TIMM23B: variants seen among roughly 807,000 people sequenced by gnomAD.
TIMM23B encodes translocase of inner mitochondrial membrane 23 homolog B.
A neutral mutation model predicts 27.3 loss-of-function variants in TIMM23B; 27 were observed. That is an observed-to-expected ratio of 0.99 (90% CI 0.73 to 1.36). The LOEUF (loss-of-function observed/expected upper bound fraction) is 1.36. Ranked by LOEUF, TIMM23B falls within the 40% of genes most tolerant of loss-of-function variation. The pLI is 0.00. For missense variants in TIMM23B, 205 were observed against 244.2 expected, an observed-to-expected ratio of 0.84 and a Z score of 1.07; for synonymous variants, 73 against 92.4, an observed-to-expected ratio of 0.79 and a Z score of 1.21.
intron 4 of TIMM23B, 99 bp from the exon 5 acceptor site, chr10:49,954,903 C>T: frequency 7.3e-7 from 1 of 1,376,328 alleles, no homozygotes; most frequent in Non-Finnish European, 1.0e-6. Context: ...AAACTTTGCG[C>T]CCTGGGTCTA....
intron 2 of TIMM23B, 40 bp from the exon 3 acceptor site, chr10:49,952,086 T>C (rs2133063568): frequency 2.1e-6 from 3 of 1,445,312 alleles, no homozygotes; most frequent in East Asian, 2.3e-5. Flanking sequence ...ATTTGTGTCT[T>C]GAGGGACACT....
At chr10:49,970,828 G>A (rs1446196879) in intron 6 of TIMM23B, among the ~76,000 whole-genome samples, 1 of 152,240 alleles carries the variant, frequency 6.6e-6, no homozygotes, top group African/African-American at 2.4e-5. Flanking sequence ...TCTGGGAGGT[G>A]TACCCAACAG....
intron 2 of TIMM23B, among the ~76,000 whole-genome samples, 194 bp from the exon 3 acceptor site, chr10:49,951,932 A>G (rs1168813482): frequency 6.6e-6 from 1 of 152,204 alleles, no homozygotes; most frequent in Non-Finnish European, 1.5e-5. Context: ...CCTTCTAAGA[A>G]CTGTGTTTCG....
intron 6 of TIMM23B, among the ~76,000 whole-genome samples, chr10:49,962,267 AT>A (rs1373152403): frequency 6.6e-6 from 1 of 151,482 alleles, no homozygotes; most frequent in Non-Finnish European, 1.5e-5. Flanking sequence ...CAGTGGCACA[AT>A]CTTGGCTCAC....
chr10:49,953,169 T>C (rs1465589112), intron 4 of TIMM23B, among the ~76,000 whole-genome samples: 2 of 152,078 alleles, frequency 1.3e-5, no homozygotes, highest in African/African-American at 4.8e-5. Flanking sequence ...TTAAACAATA[T>C]GTTTAGTTTT....
chr10:49,955,788 A>G (rs1383281538), intron 5 of TIMM23B, among the ~76,000 whole-genome samples: 2 of 152,198 alleles, frequency 1.3e-5, no homozygotes, highest in Admixed American at 1.3e-4. Flanking sequence ...ATGGCAGAGT[A>G]AGGTCCTGCC....
At chr10:49,969,424 G>A (rs1554856061) in intron 6 of TIMM23B, among the ~76,000 whole-genome samples, 1 of 137,250 alleles carries the variant, frequency 7.3e-6, no homozygotes, top group African/African-American at 2.8e-5. Flanking sequence ...GCGACAGAGT[G>A]AGACCCTGTG....
At chr10:49,961,592 A>G (rs1839911715) in intron 6 of TIMM23B, among the ~76,000 whole-genome samples, 2 of 149,028 alleles carry the variant, frequency 1.3e-5, no homozygotes, top group Non-Finnish European at 3.0e-5. Flanking sequence ...TAAAGTCACT[A>G]AAATGTTTCC....
In TIMM23B at chr10:49,958,393, G is replaced by C; in HGVS notation, c.427G>C (p.Val143Leu). 1.1e-5 allele frequency: 18 copies of C among 1,613,874 alleles called. No individual in the cohort carries two copies. Among genetic ancestry groups the C allele is most frequent in the Non-Finnish European group, 1.5e-5 (18 of 1,179,820 alleles). ...AGCGTTGCTCTATAGTGCATTTGGT[G>C]TCATCATTGAGAAAACACGAGGTGC... ...SLALLYSAFG[V>L]IIEKTRGAED... The change falls in exon 6 of 7, where the codon GTC (valine) becomes CTC (leucine). Residue 143 changes from valine to leucine, a missense_variant. Physicochemically the swap from Val to Leu is conservative, Grantham distance 32. Transcript: ENST00000651259.
chr10:49,945,035 C>T lies in TIMM23B; in HGVS notation c.110C>T (p.Thr37Ile). The change falls in exon 2 of 7, where the codon ACT (threonine) becomes ATT (isoleucine). Residue 37 changes from threonine to isoleucine, a missense_variant. Physicochemically the swap from Thr to Ile is moderately conservative, Grantham distance 89. Transcript: ENST00000651259. The stretch of plus-strand genomic sequence containing the variant: ...TGACATTTTGTTTTCTCTCTAGTAA[C>T]TGGTATGAACCCTCTGTGTCCTTAT... ...SHADLAGVPLTGMNPLCPYLN... is the reference protein window; with the variant it reads ...SHADLAGVPLIGMNPLCPYLN... The T allele has an allele frequency of 6.3e-7, 1 of 1,587,290 alleles. No individual in the cohort carries two copies. Among genetic ancestry groups the T allele is most frequent in the Non-Finnish European group, 8.6e-7 (1 of 1,157,110 alleles).
intron 5 of TIMM23B, among the ~76,000 whole-genome samples, chr10:49,955,890 T>C (rs2133072040): frequency 6.6e-6 from 1 of 152,336 alleles, no homozygotes; most frequent in East Asian, 1.9e-4. Flanking sequence ...CATATGTTGC[T>C]GATGTCTGCA....
At chr10:49,964,688 A>G (rs1335936681) in intron 6 of TIMM23B, among the ~76,000 whole-genome samples, 2 of 143,754 alleles carry the variant, frequency 1.4e-5, no homozygotes, top group African/African-American at 5.2e-5. Context: ...TGCCAGGTGC[A>G]GTGGCACACT....
chr10:49,944,192 G>A (rs1277187543), intron 1 of TIMM23B, among the ~76,000 whole-genome samples: 7 of 152,178 alleles, frequency 4.6e-5, no homozygotes, highest in Non-Finnish European at 8.8e-5. Context: ...GAAAAATCAC[G>A]TAGTTGCTAT....
chr10:49,955,213 G>C (rs1486085025), intron 5 of TIMM23B, among the ~76,000 whole-genome samples, 153 bp downstream of exon 5: 11 of 152,286 alleles, frequency 7.2e-5, no homozygotes, highest in Admixed American at 5.2e-4. Flanking sequence ...ACTACTTAGG[G>C]AAAGACCATG....
At chr10:49,945,682 A>T (rs1393713241) in intron 2 of TIMM23B, among the ~76,000 whole-genome samples, 2 of 152,210 alleles carry the variant, frequency 1.3e-5, no homozygotes, top group African/African-American at 4.8e-5. Flanking sequence ...AAAAGTTTCA[A>T]AGAGTATCTT....
intron 2 of TIMM23B, among the ~76,000 whole-genome samples, chr10:49,945,499 G>A (rs1425911264): frequency 2.0e-5 from 3 of 152,110 alleles, no homozygotes; most frequent in Non-Finnish European, 4.4e-5. Flanking sequence ...TCCTGCCTCA[G>A]CCTCCCGAGT....
intron 6 of TIMM23B, among the ~76,000 whole-genome samples, chr10:49,972,111 A>G (rs1840476798): frequency 1.3e-5 from 2 of 152,224 alleles, no homozygotes; most frequent in South Asian, 4.1e-4. Flanking sequence ...GTAATATAGT[A>G]TTTTACACTA....
chr10:49,950,091 AT>A (rs1282854213), intron 2 of TIMM23B, among the ~76,000 whole-genome samples: 2 of 152,038 alleles, frequency 1.3e-5, no homozygotes, highest in Non-Finnish European at 2.9e-5. Context: ...CAAGTAATAA[AT>A]TTTTTTGTTA....
Position 49,973,099 on chromosome 10 carries a change from G to A in TIMM23B, c.*35G>A. On this transcript the variant is annotated 3_prime_UTR_variant, in exon 7 of 7. Coordinates refer to ENST00000651259, the MANE Select transcript of TIMM23B (RefSeq NM_001290117.2). ...TAGAGGTGTGTGTCAATCCCAACTG[G>A]TGAAGTACTGAGAAGAAGCTACACA... 1 of 1,526,696 alleles carries A rather than the reference G, an allele frequency of 6.6e-7. No homozygotes were observed. The highest frequency in any genetic ancestry group is 8.8e-7 in the Non-Finnish European group (1 of 1,140,780). 94.6% of individuals were successfully genotyped at this position (1,526,696 alleles called of 1,614,324 possible).
Sources: gnomAD v4.1 joint callset for allele counts (sites outside exome capture counted in the v4.1 genomes callset) on GRCh38, gnomAD v4.1.1 for gene constraint, MANE v1.5 for transcripts, NCBI Gene and HGNC (gene_info 2026-07-23, HGNC 2026-07-21) for gene names.